MARCHF1: variants seen among roughly 807,000 people sequenced by gnomAD.
MARCHF1 encodes membrane associated ring-CH-type finger 1, also known as E3 ubiquitin-protein ligase MARCHF1.
MARCHF1 carries 40 observed loss-of-function variants against 54.2 expected under a neutral mutation model. That is an observed-to-expected ratio of 0.74 (90% CI 0.57 to 0.96). The LOEUF (loss-of-function observed/expected upper bound fraction) is 0.96, where lower values mean the gene tolerates loss of function less well. Ranked by LOEUF, MARCHF1 falls within the 40% of genes least tolerant of loss-of-function variation. The pLI, the probability that MARCHF1 is intolerant of heterozygous loss-of-function variation, is 0.00. For synonymous variants in MARCHF1, 236 were observed against 236.3 expected (o/e 1.00, Z 0.01); for missense variants, 586 against 656.5 (o/e 0.89, Z 1.17).
chr4:163,616,383 C>T (rs144529466), intron 5 of MARCHF1, among the ~76,000 whole-genome samples: 153 of 152,054 alleles, frequency 1.0e-3, no homozygotes, highest in African/African-American at 3.3e-3. Flanking sequence ...ATAGAATATA[C>T]AAGGAACCCA....
intron 1 of MARCHF1, among the ~76,000 whole-genome samples, chr4:164,310,656 T>C (rs1032421756): frequency 2.6e-5 from 4 of 151,686 alleles, no homozygotes; most frequent in Non-Finnish European, 2.9e-5. Flanking sequence ...TTTCACAGTG[T>C]TTCATCCTTT....
At chr4:163,536,265 A>G (rs1211148052) in intron 9 of MARCHF1, among the ~76,000 whole-genome samples, 2 of 152,136 alleles carry the variant, frequency 1.3e-5, no homozygotes, top group Non-Finnish European at 2.9e-5. Context: ...ATTCTCATGG[A>G]CTACATCCAG....
intron 3 of MARCHF1, among the ~76,000 whole-genome samples, chr4:163,958,938 C>T (rs1442300603): frequency 6.6e-6 from 1 of 151,924 alleles, no homozygotes; most frequent in Non-Finnish European, 1.5e-5. Context: ...TCATCTACCA[C>T]GGAAAGCTGT....
chr4:164,070,089 G>T (rs905123266), intron 2 of MARCHF1, among the ~76,000 whole-genome samples: 9 of 152,152 alleles, frequency 5.9e-5, no homozygotes, highest in Non-Finnish European at 1.0e-4. Context: ...ATTAACATGG[G>T]AACAACAGAC....
intron 1 of MARCHF1, among the ~76,000 whole-genome samples, chr4:164,382,629 T>A (rs1387948467): frequency 1.3e-5 from 2 of 152,230 alleles, no homozygotes; most frequent in Non-Finnish European, 2.9e-5. Context: ...ATATTCCTTT[T>A]GTAAACACAT....
chr4:163,634,751 T>C (rs1449673892), intron 5 of MARCHF1, among the ~76,000 whole-genome samples: 2 of 147,760 alleles, frequency 1.4e-5, no homozygotes, highest in East Asian at 2.1e-4. Context: ...GCGGACCTAA[T>C]AGACATCTAC....
intron 8 of MARCHF1, among the ~76,000 whole-genome samples, chr4:163,560,829 A>T (rs1252216688): frequency 6.6e-6 from 1 of 152,190 alleles, no homozygotes; most frequent in Non-Finnish European, 1.5e-5. Flanking sequence ...GTTTGCTTTT[A>T]GTGTACAGAA....
intron 1 of MARCHF1, among the ~76,000 whole-genome samples, chr4:164,328,326 A>G (rs2110791718): frequency 6.6e-6 from 1 of 152,306 alleles, no homozygotes; most frequent in Non-Finnish European, 1.5e-5. Context: ...TTTTATTTAT[A>G]CAGTTCTACA....
chr4:163,594,360 T>A (rs1257297444), intron 7 of MARCHF1, among the ~76,000 whole-genome samples: 2 of 151,468 alleles, frequency 1.3e-5, no homozygotes, highest in South Asian at 4.2e-4. Context: ...TTTAGTATAT[T>A]TATTTAGTAT....
intron 5 of MARCHF1, among the ~76,000 whole-genome samples, chr4:163,648,780 T>G (rs1190677058): frequency 1.3e-5 from 2 of 151,802 alleles, no homozygotes; most frequent in Non-Finnish European, 2.9e-5. Flanking sequence ...GAAGAATGGA[T>G]GTAAGATCAA....
intron 4 of MARCHF1, among the ~76,000 whole-genome samples, chr4:163,817,073 T>A (rs940041675): frequency 1.3e-5 from 2 of 152,126 alleles, no homozygotes; most frequent in Non-Finnish European, 2.9e-5. Context: ...TGTCAGTTAT[T>A]TTCTCGGCAA....
chr4:164,249,030 T>C (rs1733045174), intron 1 of MARCHF1, among the ~76,000 whole-genome samples: 1 of 152,080 alleles, frequency 6.6e-6, no homozygotes, highest in Admixed American at 6.6e-5. Flanking sequence ...TTACCAAAAC[T>C]TTTCCCCAAG....
At chr4:163,981,785 C>T (rs1438606070) in intron 3 of MARCHF1, among the ~76,000 whole-genome samples, 1 of 152,234 alleles carries the variant, frequency 6.6e-6, no homozygotes, top group East Asian at 1.9e-4. Flanking sequence ...GCTACACCTG[C>T]TCCTCCAATG....
chr4:163,990,610 C>T (rs560888221), intron 2 of MARCHF1, among the ~76,000 whole-genome samples: 21 of 152,100 alleles, frequency 1.4e-4, no homozygotes, highest in Non-Finnish European at 2.5e-4. Context: ...GCCAAAAATG[C>T]CATGTCTACA....
rs75530095 is a variant in MARCHF1 at position 163,688,718 on chromosome 4, C to T, written c.162+12095G>A. On this transcript the variant is annotated intron_variant, in intron 5 of 9. Transcript: ENST00000514618. ...ATCCAGACGGAGAAAATAATGATTG[C>T]TAAGAGTATCAGTAGAGAGCATTCA... 9.1e-3 allele frequency among the ~76,000 whole-genome samples: 1,378 copies of T among 152,072 alleles called. 34 individuals carry two copies. The highest frequency in any genetic ancestry group is 0.031 in the African/African-American group (1,291 of 41,494).
At chr4:164,060,486 T>C (rs1754592035) in intron 2 of MARCHF1, among the ~76,000 whole-genome samples, 2 of 152,018 alleles carry the variant, frequency 1.3e-5, no homozygotes, top group African/African-American at 4.8e-5. Flanking sequence ...TAGTATTTCT[T>C]GTTTTATTTG....
At chr4:164,339,975 TC>T (rs1390542317) in intron 1 of MARCHF1, among the ~76,000 whole-genome samples, 1 of 151,982 alleles carries the variant, frequency 6.6e-6, no homozygotes, top group African/African-American at 2.4e-5. Context: ...ATGGATAACT[TC>T]CTAGATATAC....
intron 1 of MARCHF1, among the ~76,000 whole-genome samples, chr4:164,205,407 G>C (rs1391497171): frequency 6.6e-6 from 1 of 152,152 alleles, no homozygotes; most frequent in African/African-American, 2.4e-5. Flanking sequence ...GAGTCATATA[G>C]TGGAACCTGG....
At chr4:163,999,941 A>G (rs952541729) in intron 2 of MARCHF1, among the ~76,000 whole-genome samples, 8 of 151,732 alleles carry the variant, frequency 5.3e-5, no homozygotes, top group African/African-American at 1.9e-4. Context: ...CTTAATAACA[A>G]CATGTTAATA....
Sources: allele counts gnomAD v4.1 joint callset (sites outside exome capture counted in the v4.1 genomes callset), GRCh38; gene constraint gnomAD v4.1.1; transcripts MANE v1.5; gene names NCBI Gene and HGNC (gene_info 2026-07-23, HGNC 2026-07-21).